The following C2orf92 variants were observed in gnomAD, a reference collection of about 807,000 sequenced individuals.
C2orf92 encodes the protein uncharacterized protein C2orf92.
chr2:97,693,908 A>G (rs1018761726), intron 5 of C2orf92, among the ~76,000 whole-genome samples: 1 of 152,252 alleles, frequency 6.6e-6, no homozygotes. Flanking sequence ...ATTATACAAT[A>G]CACATAATAT....
intron 3 of C2orf92, among the ~76,000 whole-genome samples, chr2:97,680,494 G>A (rs1052658849): frequency 2.0e-4 from 30 of 152,200 alleles, no homozygotes; most frequent in Non-Finnish European, 4.3e-4. Context: ...AATGGAAAAT[G>A]TATTTCATGC....
intron 5 of C2orf92, among the ~76,000 whole-genome samples, chr2:97,695,731 A>C (rs1353141021): frequency 1.4e-5 from 2 of 148,002 alleles, no homozygotes; most frequent in Non-Finnish European, 3.0e-5. Context: ...TTTTTCTTTT[A>C]TTTTCTTTCT....
At chr2:97,699,442 A>G (rs186494940) in intron 6 of C2orf92, among the ~76,000 whole-genome samples, 6 of 152,208 alleles carry the variant, frequency 3.9e-5, no homozygotes, top group Non-Finnish European at 7.4e-5. Context: ...CTAAAAATAC[A>G]AAAGAAAAAA....
intron 5 of C2orf92, among the ~76,000 whole-genome samples, chr2:97,697,660 G>A (rs1245663724): frequency 6.6e-6 from 1 of 152,140 alleles, no homozygotes; most frequent in African/African-American, 2.4e-5. Flanking sequence ...TCATGAGACT[G>A]TTATCAGACA....
At chr2:97,675,752 C>A in intron 2 of C2orf92, 93 bp from the exon 3 acceptor site, 1 of 398,418 alleles carries the variant, frequency 2.5e-6, no homozygotes, top group South Asian at 1.3e-4. Context: ...TGATGCTCAC[C>A]TCAAAATCCC....
At chr2:97,664,162 G>A, upstream of C2orf92, 1 of 220,160 alleles carries the variant, frequency 4.5e-6, no homozygotes, top group Non-Finnish European at 8.9e-6. Flanking sequence ...AATTGAGGTC[G>A]TCCGGAAAAA....
At chr2:97,671,372 C>T (rs1675406673) in intron 1 of C2orf92, 1 of 397,056 alleles carries the variant, frequency 2.5e-6, no homozygotes, top group African/African-American at 2.1e-5. Context: ...GCCTCGAACT[C>T]CTGACCTCAA....
upstream of C2orf92, chr2:97,664,108 G>A (rs113861409): frequency 7.3e-6 from 2 of 272,848 alleles, no homozygotes; most frequent in African/African-American, 2.3e-5. Context: ...GGTGCCCGGG[G>A]CTGGCTGCGC....
intron 4 of C2orf92, among the ~76,000 whole-genome samples, chr2:97,689,241 G>T (rs1676054724): frequency 6.6e-6 from 1 of 152,316 alleles, no homozygotes; most frequent in Non-Finnish European, 1.5e-5. Context: ...TGTTAGGCAG[G>T]TTCTGCCACC....
chr2:97,695,806 C>T (rs1020614300), intron 5 of C2orf92, among the ~76,000 whole-genome samples: 14 of 151,652 alleles, frequency 9.2e-5, no homozygotes, highest in African/African-American at 2.9e-4. Context: ...GGCTGGAGTG[C>T]GGTGGCGCAA....
intron 3 of C2orf92, among the ~76,000 whole-genome samples, chr2:97,676,700 A>G (rs1305324735): frequency 5.9e-5 from 9 of 151,744 alleles, no homozygotes; most frequent in Non-Finnish European, 1.3e-4. Flanking sequence ...TGAGCCCAGG[A>G]GTTTGAGGCT....
At chr2:97,669,554 G>C (rs1474593021), upstream of C2orf92, 8 of 371,880 alleles carry the variant, frequency 2.2e-5, no homozygotes, top group Non-Finnish European at 3.8e-5. Context: ...AAGGCACCAG[G>C]GAGCCGAGGG....
At chr2:97,677,414 G>C (rs1350661220) in intron 3 of C2orf92, 9 of 152,190 alleles carry the variant, frequency 5.9e-5, no homozygotes, top group Non-Finnish European at 1.0e-4. Context: ...TCTTTTTGGA[G>C]ATAGACACTT....
intron 3 of C2orf92, among the ~76,000 whole-genome samples, chr2:97,678,808 A>C (rs1158943324): frequency 2.4e-5 from 2 of 82,064 alleles, no homozygotes; most frequent in Admixed American, 1.1e-4. Flanking sequence ...TGTTTCTACT[A>C]AAAAAAAAAA....
chr2:97,694,690 T>C (rs1676253482), intron 5 of C2orf92: 2 of 152,238 alleles, frequency 1.3e-5, no homozygotes, highest in African/African-American at 4.8e-5. Context: ...AATCCTGTTA[T>C]GAACGTGGAT....
At position 97,685,599 on chromosome 2, in the gene C2orf92, G is replaced by C. The variant is rs568013678; in HGVS notation, c.233-3296G>C. On this transcript the variant is annotated intron_variant, in intron 3 of 7. Coordinates refer to ENST00000627399, the MANE Select transcript of C2orf92 (RefSeq NM_001351368.2). ...TTTTTTTGAGACAAAGTCTTGCTCT[G>C]TCACCCAGGCTGGAGGGCAGTGGCG... 1.9e-4 allele frequency among the ~76,000 whole-genome samples: 29 copies of C among 150,762 alleles called. No homozygotes were observed. In the South Asian group the frequency reaches 6.1e-3, roughly 32 times the overall value.
intron 4 of C2orf92, among the ~76,000 whole-genome samples, chr2:97,689,422 T>TA (rs1344346033): frequency 1.3e-5 from 2 of 152,164 alleles, no homozygotes; most frequent in Non-Finnish European, 2.9e-5. Context: ...CAGTGGATGA[T>TA]AAAACAAGAC....
At chr2:97,682,677 A>G (rs1173102916) in intron 3 of C2orf92, among the ~76,000 whole-genome samples, 2 of 152,206 alleles carry the variant, frequency 1.3e-5, no homozygotes, top group Non-Finnish European at 2.9e-5. Context: ...CAATCACTGT[A>G]ATATACCACA....
chr2:97,700,318 C>T (rs1480132851), intron 6 of C2orf92, among the ~76,000 whole-genome samples: 3 of 152,146 alleles, frequency 2.0e-5, no homozygotes, highest in African/African-American at 4.8e-5. Flanking sequence ...CCTACACACA[C>T]GAGGCAGATT....
Sources: allele counts gnomAD v4.1 joint callset (sites outside exome capture counted in the v4.1 genomes callset), GRCh38; gene constraint gnomAD v4.1.1; transcripts MANE v1.5; gene names NCBI Gene and HGNC (gene_info 2026-07-23, HGNC 2026-07-21).